SNW1: variants seen among roughly 807,000 people sequenced by gnomAD.
The protein encoded by SNW1 is SNW domain containing 1, also known as SNW domain-containing protein 1.
In SNW1, 9 loss-of-function variants were observed where a neutral mutation model predicts 75.6. That is an observed-to-expected ratio of 0.12 (90% confidence interval 0.07 to 0.21). The LOEUF is 0.21. Ranked by LOEUF, SNW1 falls within the 10% of genes least tolerant of loss-of-function variation. The pLI is 1.00. For synonymous variants in SNW1, 200 were observed against 219.1 expected, an observed-to-expected ratio of 0.91 and a Z score of 0.77; for missense variants, 409 against 670.9, an observed-to-expected ratio of 0.61 and a Z score of 4.31.
chr14:77,723,321 A>G (rs1198657339), intron 10 of SNW1, 44 bp from the exon 11 acceptor site: 3 of 1,376,106 alleles, frequency 2.2e-6, no homozygotes, highest in Admixed American at 1.7e-5. Context: ...TATGTATTAT[A>G]TGTGTGCATA....
Position 77,754,969 on chromosome 14 carries a change from C to G in SNW1, c.166G>C (p.Glu56Gln). ...CTAAACTTAAGATCTATATGTACCT[C>G]TAATAACCGAGGTATCCAGCCTTTC... ...YRKGWIPRLL[E>Q]DFGDGGAFPE... is the part of the protein sequence containing the mutation. The change falls in exon 2 of 14, where the codon GAG becomes CAG. Residue 56 changes from glutamate to glutamine, a missense_variant and splice_region_variant. Physicochemically the swap from Glu to Gln is conservative, Grantham distance 29. Transcript: ENST00000261531. The G allele has an allele frequency of 1.3e-6, 2 of 1,590,784 alleles. No homozygotes were observed. The highest frequency in any genetic ancestry group is 1.1e-5 in the South Asian group (1 of 88,508).
At chr14:77,752,625 C>T (rs2080817178) in intron 2 of SNW1, among the ~76,000 whole-genome samples, 1 of 152,046 alleles carries the variant, frequency 6.6e-6, no homozygotes, top group Admixed American at 6.5e-5. Context: ...TTTTGAGACT[C>T]CGAAAAGCTT....
At chr14:77,756,958 T>C (rs1030072350) in intron 1 of SNW1, among the ~76,000 whole-genome samples, 1 of 152,218 alleles carries the variant, frequency 6.6e-6, no homozygotes, top group African/African-American at 2.4e-5. Context: ...GCTTATTCTT[T>C]AGTCAAGGTA....
At position 77,758,315 on chromosome 14, in the gene SNW1, C is replaced by CAAAAAAAAAAAAAAAA. The variant is rs55707854; in HGVS notation, c.14+2783_14+2798dup. 6.8e-4 allele frequency among the ~76,000 whole-genome samples: 58 copies of CAAAAAAAAAAAAAAAA among 85,818 alleles called. 2 individuals are homozygous for CAAAAAAAAAAAAAAAA. Among genetic ancestry groups the CAAAAAAAAAAAAAAAA allele is most frequent in the South Asian group, 1.0e-3 (2 of 1,972 alleles). 56.3% of individuals were successfully genotyped at this position (85,818 alleles called of 152,430 possible). A position where few individuals can be genotyped will look rare whatever the true frequency, so the allele number is the denominator to read the frequency against. ...CCTGGGTGAGAGTGAGACTCTGCCACAAAAAAAAAAAAAAAAAAAAAGAAC... is the reference window on the plus strand; with the variant it reads ...CCTGGGTGAGAGTGAGACTCTGCCACAAAAAAAAAAAAAAAAAAAAAAAAAAAAAAAAAAAAAGAAC... On this transcript the variant is annotated intron_variant, in intron 1 of 13. Transcript: ENST00000261531.
At chr14:77,732,900 G>C (rs1213857930) in intron 8 of SNW1, among the ~76,000 whole-genome samples, 1 of 152,178 alleles carries the variant, frequency 6.6e-6, no homozygotes, top group African/African-American at 2.4e-5. Context: ...CTGACCTTGA[G>C]TGATCCGCCC....
chr14:77,742,854 T>G (rs1370695292), intron 3 of SNW1, among the ~76,000 whole-genome samples: 1 of 150,086 alleles, frequency 6.7e-6, no homozygotes, highest in African/African-American at 2.4e-5. Context: ...CATGAGCCAA[T>G]GCACTTGGCC....
chr14:77,736,825 T>G (rs905742975), intron 6 of SNW1, 146 bp downstream of exon 6: 1 of 590,324 alleles, frequency 1.7e-6, no homozygotes. Context: ...TCTGTAACTA[T>G]AGGTTAGTTT....
At chr14:77,749,681 C>T (rs906107532) in intron 3 of SNW1, among the ~76,000 whole-genome samples, 4 of 152,130 alleles carry the variant, frequency 2.6e-5, no homozygotes, top group South Asian at 2.1e-4. Flanking sequence ...ATACGATGAT[C>T]GCCTGAGCCC....
At position 77,736,982 on chromosome 14, in the gene SNW1, A is replaced by C. The variant is rs1416555711; in HGVS notation, c.627T>G (p.Pro209=). 1.2e-6 allele frequency: 2 copies of C among 1,611,650 alleles called. No homozygotes were observed. Among genetic ancestry groups the C allele is most frequent in the East Asian group, 4.5e-5 (2 of 44,852 alleles). The change falls in exon 6 of 14, where the codon CCT becomes CCG. Residue 209 remains proline, a synonymous_variant. Coordinates refer to ENST00000261531, the MANE Select transcript of SNW1 (RefSeq NM_012245.3). ...TCCTTTTCACTTACTTGAACCTTGG[A>C]GGCTCCATTGGATCTTTCTGCATTT... ...MVEMQKDPME[P]PRFKINKKIP... is the part of the protein sequence containing the mutation.
chr14:77,726,797 A>G (rs2080589140), intron 10 of SNW1, among the ~76,000 whole-genome samples: 1 of 151,830 alleles, frequency 6.6e-6, no homozygotes, highest in Non-Finnish European at 1.5e-5. Flanking sequence ...CTGGGTGACA[A>G]GAGTGAGACT....
intron 5 of SNW1, among the ~76,000 whole-genome samples, chr14:77,738,152 C>G (rs1269964302): frequency 2.0e-5 from 3 of 151,526 alleles, no homozygotes; most frequent in Admixed American, 6.6e-5. Context: ...AAAAAAAATA[C>G]AAAAATTAGC....
intron 1 of SNW1, among the ~76,000 whole-genome samples, chr14:77,757,941 TC>T (rs2080854321): frequency 7.2e-6 from 1 of 138,746 alleles, no homozygotes; most frequent in Non-Finnish European, 1.6e-5. Flanking sequence ...TATCTATCTA[TC>T]TATCTATCTA....
intron 10 of SNW1, among the ~76,000 whole-genome samples, chr14:77,729,726 T>A (rs1168641171): frequency 2.0e-5 from 3 of 152,164 alleles, no homozygotes; most frequent in African/African-American, 4.8e-5. Context: ...GACTGGTAAG[T>A]TAATTAGCTT....
intron 9 of SNW1, among the ~76,000 whole-genome samples, chr14:77,731,540 C>CA (rs1033935245): frequency 1.1e-4 from 16 of 152,062 alleles, no homozygotes; most frequent in African/African-American, 3.9e-4. Flanking sequence ...AGATCCATCT[C>CA]AAAAAAATAA....
At chr14:77,748,884 G>T (rs1357710744) in intron 3 of SNW1, among the ~76,000 whole-genome samples, 1 of 151,962 alleles carries the variant, frequency 6.6e-6, no homozygotes, top group East Asian at 1.9e-4. Flanking sequence ...ACCACACCCA[G>T]CCTATTTGTA....
At position 77,717,746 on chromosome 14, in the gene SNW1, T is replaced by C. The variant is rs534865790; in HGVS notation, c.*342A>G. 5.3e-5 allele frequency: 33 copies of C among 620,138 alleles called. No individual in the cohort carries two copies. Among genetic ancestry groups the C allele is most frequent in the Admixed American group, 1.8e-4 (6 of 33,636 alleles). The allele number at this position is 620,138 out of a possible 1,614,324, so 38.4% of individuals were successfully genotyped here. On this transcript the variant is annotated 3_prime_UTR_variant, in exon 14 of 14. Coordinates refer to ENST00000261531, the MANE Select transcript of SNW1 (RefSeq NM_012245.3). ...GTGAACATCTTCCTCCTCACTGTGGTTGGGGTAACTTTACTCATATGCAGC... is the reference window on the plus strand; with the variant it reads ...GTGAACATCTTCCTCCTCACTGTGGCTGGGGTAACTTTACTCATATGCAGC...
intron 10 of SNW1, among the ~76,000 whole-genome samples, chr14:77,723,571 A>G (rs2080561216): frequency 6.6e-6 from 1 of 151,838 alleles, no homozygotes. Flanking sequence ...GGCTGGTCTC[A>G]AACTCCAGGC....
chr14:77,747,633 C>G (rs1436968180), intron 3 of SNW1, among the ~76,000 whole-genome samples: 2 of 151,610 alleles, frequency 1.3e-5, no homozygotes, highest in Non-Finnish European at 2.9e-5. Context: ...AAGAGCCCCT[C>G]CGCCCGGCAG....
chr14:77,761,096 C>A lies in SNW1; in HGVS notation c.14+18G>T. On this transcript the variant is annotated intron_variant, in intron 1 of 13. Coordinates refer to ENST00000261531, the MANE Select transcript of SNW1 (RefSeq NM_012245.3). ...CTCCCAGACCCTTCCGTATCGAGGA[C>A]CCCAATCAACAACCCACCTGGTGAG... The A allele has an allele frequency of 1.2e-6, 2 of 1,614,256 alleles. No individual in the cohort carries two copies. Among genetic ancestry groups the A allele is most frequent in the Non-Finnish European group, 1.7e-6 (2 of 1,180,042 alleles).
Sources: gnomAD v4.1 joint callset for allele counts (sites outside exome capture counted in the v4.1 genomes callset) on GRCh38, gnomAD v4.1.1 for gene constraint, MANE v1.5 for transcripts, NCBI Gene and HGNC (gene_info 2026-07-23, HGNC 2026-07-21) for gene names.